Variants in MUSK observed in about 807,000 individuals in gnomAD.
MUSK encodes muscle associated receptor tyrosine kinase.
Under a neutral mutation model 88.7 loss-of-function variants are expected in MUSK, and 55 were observed. The observed-to-expected ratio is 0.62, with a 90% CI of 0.50 to 0.78. The LOEUF is 0.78. Among genes scored for constraint, MUSK ranks in the 30% least tolerant of loss-of-function variants. MUSK has a pLI of 0.00. For synonymous variants in MUSK, 387 were observed against 391.9 expected (o/e 0.99, Z 0.15); for missense variants, 1,015 against 1,074.3 (o/e 0.94, Z 0.77).
chr9:110,698,493 C>CA (rs1250687364), intron 5 of MUSK, among the ~76,000 whole-genome samples: 2 of 152,130 alleles, frequency 1.3e-5, no homozygotes, highest in Non-Finnish European at 2.9e-5. Flanking sequence ...TTCCTTAGGC[C>CA]AAAATCTATC....
At chr9:110,758,121 G>A (rs972463230) in intron 7 of MUSK, among the ~76,000 whole-genome samples, 8 of 151,862 alleles carry the variant, frequency 5.3e-5, no homozygotes, top group African/African-American at 1.2e-4. Flanking sequence ...GTGCCATAAC[G>A]CCCAGCTAAT....
In MUSK at chr9:110,690,139, G is replaced by GTATAAATATAGAAATATAT. The variant is rs1258615022; in HGVS notation, c.358+2871_358+2872insTATAAATATAGAAATATAT. On this transcript the variant is annotated intron_variant, in intron 3 of 14. Coordinates refer to ENST00000374448, the MANE Select transcript of MUSK (RefSeq NM_005592.4). The stretch of plus-strand genomic sequence containing the variant: ...TATATATTATATAAGTATAAATATA[G>GTATAAATATAGAAATATAT]AAATATATATTTAAGTATAAATATA... Among the ~76,000 whole-genome samples, 22 of 59,160 alleles carry GTATAAATATAGAAATATAT rather than the reference G, an allele frequency of 3.7e-4. 1 individual carries two copies. Among genetic ancestry groups the GTATAAATATAGAAATATAT allele is most frequent in the Admixed American group, 5.2e-4 (2 of 3,862 alleles). The allele number at this position is 59,160 out of a possible 152,430, so 38.8% of individuals were successfully genotyped here. A position where few individuals can be genotyped will look rare whatever the true frequency, so the allele number is the denominator to read the frequency against.
At chr9:110,683,604 G>A (rs1157309976) in intron 2 of MUSK, among the ~76,000 whole-genome samples, 1 of 150,450 alleles carries the variant, frequency 6.6e-6, no homozygotes, top group Non-Finnish European at 1.5e-5. Context: ...CATCAACAGT[G>A]TACAAGGATT....
intron 11 of MUSK, among the ~76,000 whole-genome samples, chr9:110,783,354 C>G (rs1042861544): frequency 6.6e-6 from 1 of 151,942 alleles, no homozygotes; most frequent in Non-Finnish European, 1.5e-5. Flanking sequence ...AATTTTATCT[C>G]TTTCAAGACT....
intron 5 of MUSK, among the ~76,000 whole-genome samples, chr9:110,719,356 T>C (rs1487682494): frequency 1.3e-5 from 2 of 151,944 alleles, no homozygotes; most frequent in Admixed American, 1.3e-4. Flanking sequence ...ACCTAACACA[T>C]AAGGACTAAC....
At chr9:110,740,150 T>A (rs931271774) in intron 6 of MUSK, among the ~76,000 whole-genome samples, 16 of 152,180 alleles carry the variant, frequency 1.1e-4, no homozygotes, top group Admixed American at 9.2e-4. Flanking sequence ...CAAGGCACAT[T>A]CCTTCATGGA....
chr9:110,677,656 T>G (rs1260320254), intron 1 of MUSK, among the ~76,000 whole-genome samples: 2 of 152,188 alleles, frequency 1.3e-5, no homozygotes, highest in Non-Finnish European at 2.9e-5. Context: ...CACTCTTCTC[T>G]CTCCACTGCA....
chr9:110,757,416 G>A (rs1290223518), intron 7 of MUSK, among the ~76,000 whole-genome samples: 5 of 150,334 alleles, frequency 3.3e-5, no homozygotes, highest in Non-Finnish European at 5.9e-5. Flanking sequence ...CCAAGATTGT[G>A]CCACTGAGCT....
rs533717003 is a variant in MUSK at position 110,790,680 on chromosome 9, A to G, written c.1927+2842A>G. ...TCAAGATCTCATCTGAGGGTGAGGA[A>G]TGGGAGAAGAGTTGAAGATTTGAGG... On this transcript the variant is annotated intron_variant, in intron 14 of 14. Transcript: ENST00000374448. 5.3e-5 allele frequency among the ~76,000 whole-genome samples: 8 copies of G among 152,308 alleles called. No individual in the cohort carries two copies. The South Asian group carries it at 1.7e-3, about 32-fold the overall frequency.
chr9:110,727,655 A>C, intron 5 of MUSK: 1 of 197,028 alleles, frequency 5.1e-6, no homozygotes, highest in South Asian at 1.1e-4. Context: ...GAACATTTCC[A>C]CTGCATGTTC....
At chr9:110,745,779 T>C (rs2077168487) in intron 6 of MUSK, among the ~76,000 whole-genome samples, 1 of 152,222 alleles carries the variant, frequency 6.6e-6, no homozygotes, top group South Asian at 2.1e-4. Context: ...TGATCTGACC[T>C]GGAAAGATTC....
intron 5 of MUSK, 107 bp from the exon 6 acceptor site, chr9:110,734,144 A>T: frequency 7.8e-7 from 1 of 1,284,454 alleles, no homozygotes; most frequent in Non-Finnish European, 1.1e-6. Flanking sequence ...GCAAACACTG[A>T]AGAACTGCAC....
At position 110,800,375 on chromosome 9, in the gene MUSK, T is replaced by TCC; in HGVS notation, c.1998_1999dup (p.Leu667ProfsTer20). The stretch of plus-strand genomic sequence containing the variant: ...ATGGCCTATGGTGACCTCAATGAGT[T>TCC]CCTCCGCAGCATGTCCCCTCACACC... On this transcript the variant is annotated frameshift_variant, in exon 15 of 15. Transcript: ENST00000374448. LOFTEE classifies it high-confidence loss of function. The TCC allele has an allele frequency of 6.2e-7, 1 of 1,613,754 alleles. No individual in the cohort carries two copies. Among genetic ancestry groups the TCC allele is most frequent in the Non-Finnish European group, 8.5e-7 (1 of 1,179,834 alleles).
Position 110,675,562 on chromosome 9 carries a change from C to CTTTTTT in MUSK, c.79+6599_79+6604dup, listed in dbSNP as rs10607243. 3.9e-3 allele frequency among the ~76,000 whole-genome samples: 239 copies of CTTTTTT among 61,612 alleles called. 4 individuals are homozygous for CTTTTTT. The highest frequency in any genetic ancestry group is 4.6e-3 in the Non-Finnish European group (166 of 36,280). 40.4% of individuals were successfully genotyped at this position (61,612 alleles called of 152,430 possible). ...ATGTGTAGTTGCTCAATAGTCTTCC[C>CTTTTTT]TTTTTTTTTTTTTTTTTTTTTTTTT... On this transcript the variant is annotated intron_variant, in intron 1 of 14. Coordinates refer to ENST00000374448, the MANE Select transcript of MUSK (RefSeq NM_005592.4).
intron 3 of MUSK, among the ~76,000 whole-genome samples, chr9:110,692,614 A>G (rs1303190857): frequency 1.3e-5 from 2 of 151,070 alleles, no homozygotes; most frequent in Non-Finnish European, 3.0e-5. Context: ...TCTCTTGAAG[A>G]TTCCTTTTAC....
intron 1 of MUSK, among the ~76,000 whole-genome samples, chr9:110,671,365 CAA>C (rs1177362318): frequency 1.3e-5 from 2 of 152,024 alleles, no homozygotes; most frequent in Admixed American, 1.3e-4. Flanking sequence ...ACGGTAATAA[CAA>C]AAAGAGTTTT....
chr9:110,700,360 T>C (rs1008201033), intron 5 of MUSK, among the ~76,000 whole-genome samples: 1 of 152,110 alleles, frequency 6.6e-6, no homozygotes, highest in South Asian at 2.1e-4. Context: ...AGAATTTGAG[T>C]CAGGCTGAAT....
chr9:110,770,836 G>T (rs1333585823), intron 9 of MUSK, among the ~76,000 whole-genome samples: 1 of 151,646 alleles, frequency 6.6e-6, no homozygotes, highest in Non-Finnish European at 1.5e-5. Flanking sequence ...GTTATTACAG[G>T]AGGCTAGAAT....
At chr9:110,759,249 A>C (rs1365505661) in intron 7 of MUSK, among the ~76,000 whole-genome samples, 1 of 152,206 alleles carries the variant, frequency 6.6e-6, no homozygotes, top group Non-Finnish European at 1.5e-5. Context: ...CCTATTTAAT[A>C]AATGGTGCTG....
Sources: gnomAD v4.1 joint callset for allele counts (sites outside exome capture counted in the v4.1 genomes callset) on GRCh38, gnomAD v4.1.1 for gene constraint, MANE v1.5 for transcripts, NCBI Gene and HGNC (gene_info 2026-07-23, HGNC 2026-07-21) for gene names.